PTK2: variants seen among roughly 807,000 people sequenced by gnomAD.
PTK2 encodes the protein focal adhesion kinase 1.
In PTK2, 45 loss-of-function variants were observed where a neutral mutation model predicts 150.1. The observed-to-expected ratio is 0.30, with a 90% CI of 0.24 to 0.38. PTK2 has a LOEUF of 0.38. Ranked by LOEUF, PTK2 falls within the 10% of genes least tolerant of loss-of-function variation. PTK2 has a pLI of 1.00. For missense variants in PTK2, 919 were observed against 1,307.3 expected, an observed-to-expected ratio of 0.70 and a Z score of 4.58; for synonymous variants, 432 against 449.2, an observed-to-expected ratio of 0.96 and a Z score of 0.48.
rs190858021 is a variant in PTK2 at position 140,967,442 on chromosome 8, T to C, written c.-122+33683A>G. On this transcript the variant is annotated intron_variant, in intron 1 of 31. Coordinates refer to ENST00000522684, the Ensembl canonical transcript of PTK2. ...TGCTAAATAAGGCTCAAACCCAGTA[T>C]TTCTTTCTTTCTTTCTTTCTTTTTT... Among the ~76,000 whole-genome samples the C allele has an allele frequency of 2.5e-3, 338 of 136,824 alleles. 1 individual carries two copies. Among genetic ancestry groups the C allele is most frequent in the African/African-American group, 8.9e-3 (321 of 36,176 alleles). The allele number at this position is 136,824 out of a possible 152,430, so 89.8% of individuals were successfully genotyped here. A position where few individuals can be genotyped will look rare whatever the true frequency, so the allele number is the denominator to read the frequency against.
intron 3 of PTK2, among the ~76,000 whole-genome samples, chr8:140,887,600 A>G (rs572879434): frequency 6.6e-6 from 1 of 152,210 alleles, no homozygotes; most frequent in Non-Finnish European, 1.5e-5. Flanking sequence ...TGAACCAAGC[A>G]GTCTTTCTGA....
chr8:140,745,175 C>T (rs1290253789), intron 18 of PTK2, among the ~76,000 whole-genome samples: 1 of 152,224 alleles, frequency 6.6e-6, no homozygotes, highest in East Asian at 1.9e-4. Flanking sequence ...TGTGGCTCTG[C>T]GAAGGTATGA....
chr8:140,746,723 G>A (rs2100058991), intron 18 of PTK2, 37 bp downstream of exon 21: 5 of 1,457,540 alleles, frequency 3.4e-6, no homozygotes, highest in South Asian at 2.4e-5. Flanking sequence ...GATATCAAAC[G>A]CTGAGTCCAG....
chr8:140,748,231 C>T (rs910214127), intron 17 of PTK2, among the ~76,000 whole-genome samples: 4 of 152,136 alleles, frequency 2.6e-5, no homozygotes, highest in South Asian at 2.1e-4. Flanking sequence ...TGGTGGCTCA[C>T]GCCTGTAATC....
intron 25 of PTK2, among the ~76,000 whole-genome samples, chr8:140,701,284 A>G (rs922280809): frequency 2.6e-5 from 4 of 152,260 alleles, no homozygotes; most frequent in Non-Finnish European, 5.9e-5. Context: ...GATATGTGCA[A>G]AGAATACATT....
intron 1 of PTK2, among the ~76,000 whole-genome samples, chr8:140,945,616 T>C (rs1324916930): frequency 6.6e-6 from 1 of 151,950 alleles, no homozygotes; most frequent in Non-Finnish European, 1.5e-5. Context: ...ACAAAAAATA[T>C]ATCAATGTTT....
Position 140,680,674 on chromosome 8 carries a change from C to T in PTK2, c.2563-5175G>A, listed in dbSNP as rs140743029. 3.7e-3 allele frequency among the ~76,000 whole-genome samples: 566 copies of T among 152,188 alleles called. 3 individuals are homozygous for T. The highest frequency in any genetic ancestry group is 6.2e-3 in the Non-Finnish European group (419 of 68,002). Reference sequence around the variant, plus strand: ...TCTTGAATAGGACTTATTTTCACACCGATTCTCACTCCTTCTTAACAATTT... The same window carrying T: ...TCTTGAATAGGACTTATTTTCACACTGATTCTCACTCCTTCTTAACAATTT... On this transcript the variant is annotated intron_variant, in intron 27 of 31. Transcript: ENST00000522684.
intron 2 of PTK2, among the ~76,000 whole-genome samples, chr8:140,905,535 G>A (rs776451197): frequency 5.3e-5 from 8 of 152,118 alleles, no homozygotes; most frequent in Non-Finnish European, 8.8e-5. Flanking sequence ...AAAGTTCTTA[G>A]AGACCTACAA....
chr8:140,846,122 C>A, intron 7 of PTK2, 138 bp downstream of exon 7: 1 of 630,322 alleles, frequency 1.6e-6, no homozygotes, highest in Non-Finnish European at 2.6e-6. Context: ...TTAATGTCAT[C>A]AAGGATTCTG....
At chr8:140,927,949 AAAAAAAAAG>A (rs1368132021) in intron 1 of PTK2, among the ~76,000 whole-genome samples, 207 of 82,684 alleles carry the variant, frequency 2.5e-3, no homozygotes, top group African/African-American at 8.7e-3. Flanking sequence ...AGAAAAAAAA[AAAAAAAAAG>A]AAAAAAAAAA....
chr8:140,662,549 C>T, intron 31 of PTK2: 1 of 402,056 alleles, frequency 2.5e-6, no homozygotes, highest in Middle Eastern at 3.1e-4. Flanking sequence ...AGTGAGAGAA[C>T]CCCATTTGGT....
At chr8:140,711,984 G>C (rs2100037101) in intron 23 of PTK2, among the ~76,000 whole-genome samples, 1 of 152,014 alleles carries the variant, frequency 6.6e-6, no homozygotes, top group South Asian at 2.1e-4. Flanking sequence ...TGCCGTGCTG[G>C]GTTTGATTAG....
chr8:140,854,461 A>C (rs1257178870), intron 5 of PTK2, among the ~76,000 whole-genome samples: 1 of 152,244 alleles, frequency 6.6e-6, no homozygotes, highest in South Asian at 2.1e-4. Flanking sequence ...GAGAGAAAAA[A>C]TAAACGTTAC....
At chr8:140,730,335 T>C (rs1383473162) in intron 22 of PTK2, among the ~76,000 whole-genome samples, 1 of 152,224 alleles carries the variant, frequency 6.6e-6, no homozygotes, top group Admixed American at 6.5e-5. Context: ...TGGAACACTA[T>C]ATAACAATGA....
intron 1 of PTK2, among the ~76,000 whole-genome samples, chr8:140,990,232 AT>A (rs11312570): frequency 0.42 from 62,008 of 146,632 alleles, 14,231 homozygotes; most frequent in Non-Finnish European, 0.54. Flanking sequence ...TCCTTGACCA[AT>A]TTTTTTTTTT....
intron 1 of PTK2, among the ~76,000 whole-genome samples, chr8:140,955,653 G>A (rs765207896): frequency 3.3e-5 from 5 of 152,126 alleles, no homozygotes; most frequent in Non-Finnish European, 7.4e-5. Context: ...GAACAAACAG[G>A]AAAACAGAAA....
At chr8:140,782,438 A>G (rs2100082344) in intron 14 of PTK2, among the ~76,000 whole-genome samples, 1 of 152,064 alleles carries the variant, frequency 6.6e-6, no homozygotes. Context: ...GGGTTTCACC[A>G]TGTTGCCCAG....
intron 16 of PTK2, among the ~76,000 whole-genome samples, chr8:140,760,280 G>A (rs982670113): frequency 8.6e-5 from 13 of 152,030 alleles, no homozygotes; most frequent in Non-Finnish European, 2.9e-5. Flanking sequence ...ACTCATATAT[G>A]AATGTTCACA....
At chr8:140,793,902 A>C (rs2100090056) in intron 12 of PTK2, among the ~76,000 whole-genome samples, 2 of 152,194 alleles carry the variant, frequency 1.3e-5, no homozygotes, top group Admixed American at 1.3e-4. Context: ...CTGGAAGGTG[A>C]GCCAGGCAGC....
Sources: gnomAD v4.1 joint callset for allele counts (sites outside exome capture counted in the v4.1 genomes callset) on GRCh38, gnomAD v4.1.1 for gene constraint, MANE v1.5 for transcripts, NCBI Gene and HGNC (gene_info 2026-07-23, HGNC 2026-07-21) for gene names.